DDX52: variants seen among roughly 807,000 people sequenced by gnomAD.
The protein encoded by DDX52 is probable ATP-dependent RNA helicase DDX52.
In DDX52, 59 loss-of-function variants were observed where a neutral mutation model predicts 76.1. The ratio of observed to expected loss-of-function variants is 0.78; its 90% confidence interval spans 0.63 to 0.96. The LOEUF is 0.96. Ranked by LOEUF, DDX52 falls within the 40% of genes least tolerant of loss-of-function variation. The pLI, the probability that DDX52 is intolerant of heterozygous loss-of-function variation, is 0.00. For missense variants in DDX52, 707 were observed against 703.9 expected (o/e 1.00, Z -0.05); for synonymous variants, 231 against 244.1 (o/e 0.95, Z 0.50).
chr17:37,629,033 C>T (rs375051152), intron 5 of DDX52, among the ~76,000 whole-genome samples: 5 of 152,016 alleles, frequency 3.3e-5, no homozygotes, highest in South Asian at 4.1e-4. Flanking sequence ...GCCTGGCCAA[C>T]GTGGTAAAAC....
At chr17:37,642,756 T>TACAC (rs2031261146) in intron 1 of DDX52, 1 of 177,232 alleles carries the variant, frequency 5.6e-6, no homozygotes. Context: ...CACACGCATA[T>TACAC]ACACATCCAA....
intron 2 of DDX52, among the ~76,000 whole-genome samples, chr17:37,636,117 A>G (rs2030911894): frequency 6.6e-6 from 1 of 152,198 alleles, no homozygotes; most frequent in Non-Finnish European, 1.5e-5. Context: ...AGTCCAATAT[A>G]TCAATTTTTT....
chr17:37,635,712 T>C (rs2030893995), intron 2 of DDX52: 1 of 442,590 alleles, frequency 2.3e-6, no homozygotes, highest in African/African-American at 2.0e-5. Context: ...GTCTCTTAGG[T>C]AAATATTCCA....
At chr17:37,640,642 T>C (rs1221922215) in intron 2 of DDX52, among the ~76,000 whole-genome samples, 2 of 138,582 alleles carry the variant, frequency 1.4e-5, no homozygotes, top group Non-Finnish European at 3.1e-5. Context: ...GGAAACTTAA[T>C]ATTATAGATT....
chr17:37,635,918 G>T (rs895683864), intron 2 of DDX52, among the ~76,000 whole-genome samples: 2 of 152,094 alleles, frequency 1.3e-5, no homozygotes, highest in Non-Finnish European at 2.9e-5. Context: ...ACTGTATTGT[G>T]GTTTTAATTT....
intron 2 of DDX52, 58 bp from the exon 3 acceptor site, chr17:37,633,476 C>A (rs1598764518): frequency 2.3e-6 from 3 of 1,329,242 alleles, no homozygotes; most frequent in Non-Finnish European, 2.0e-6. Context: ...ATAGTGAGGA[C>A]CCGTCTCTTC....
At chr17:37,626,883 A>C (rs774885966) in intron 6 of DDX52, 23 bp from the exon 7 acceptor site, 11 of 1,594,188 alleles carry the variant, frequency 6.9e-6, no homozygotes, top group Non-Finnish European at 7.7e-6. Flanking sequence ...CAAATGGTAG[A>C]AATTGCAAAA....
chr17:37,621,097 C>T (rs2030061414), intron 11 of DDX52, 30 bp downstream of exon 11: 2 of 1,590,412 alleles, frequency 1.3e-6, no homozygotes, highest in African/African-American at 2.7e-5. Flanking sequence ...CAGTGGGTGA[C>T]AGAGGGGAAG....
At chr17:37,641,496 T>TG (rs918938403) in intron 2 of DDX52, among the ~76,000 whole-genome samples, 4 of 152,100 alleles carry the variant, frequency 2.6e-5, no homozygotes, top group Non-Finnish European at 5.9e-5. Flanking sequence ...CCCGGCACTT[T>TG]GGGGGGCCAA....
intron 3 of DDX52, among the ~76,000 whole-genome samples, chr17:37,632,994 G>A (rs955774212): frequency 3.3e-5 from 5 of 152,116 alleles, no homozygotes; most frequent in African/African-American, 4.8e-5. Flanking sequence ...TTTGTTTATC[G>A]AAAGCAGTTA....
chr17:37,614,820 A>G (rs898956090), intron 14 of DDX52: 1 of 154,060 alleles, frequency 6.5e-6, no homozygotes, highest in African/African-American at 2.4e-5. Flanking sequence ...GTCTGATCCT[A>G]TAGCCTAGTG....
intron 9 of DDX52, chr17:37,624,123 G>T: frequency 3.0e-6 from 1 of 328,406 alleles, no homozygotes; most frequent in Non-Finnish European, 5.5e-6. Context: ...TGGGATAAGA[G>T]CTGGGACAAC....
rs1393509229 is a variant in DDX52, at chr17:37,643,359, A to G, written c.62T>C (p.Phe21Ser). Residue 21 changes from phenylalanine to serine, a missense_variant, in exon 1 of 15, where the codon TTC becomes TCC. Coordinates refer to ENST00000617633, the MANE Select transcript of DDX52 (RefSeq NM_007010.5). ...GAGAKFDTRRFSADAARFQIG... is the reference protein window; with the variant it reads ...GAGAKFDTRRSSADAARFQIG... Reference sequence around the variant, plus strand: ...CTGGAATCGAGCTGCGTCTGCCGAGAAGCGTCTCGTGTCGAATTTGGCCCC... The same window carrying G: ...CTGGAATCGAGCTGCGTCTGCCGAGGAGCGTCTCGTGTCGAATTTGGCCCC... 2.0e-5 allele frequency: 33 copies of G among 1,613,854 alleles called. No homozygotes were observed. Among genetic ancestry groups the G allele is most frequent in the Non-Finnish European group, 2.5e-5 (29 of 1,179,922 alleles).
intron 14 of DDX52, among the ~76,000 whole-genome samples, chr17:37,616,355 A>G (rs1419477829): frequency 2.0e-5 from 3 of 152,050 alleles, no homozygotes; most frequent in African/African-American, 7.2e-5. Context: ...ATTAAAATTT[A>G]AAAATGTTGG....
chr17:37,627,000 C>T (rs928105607), intron 6 of DDX52, 140 bp from the exon 7 acceptor site: 52 of 650,178 alleles, frequency 8.0e-5, no homozygotes, highest in Non-Finnish European at 1.3e-4. Flanking sequence ...TATATCCCTA[C>T]TTTCCTTTTA....
chr17:37,621,109 A>T lies in DDX52; in HGVS notation c.1501+18T>A. On this transcript the variant is annotated intron_variant, in intron 11 of 14. Coordinates refer to ENST00000617633, the MANE Select transcript of DDX52 (RefSeq NM_007010.5). ...GATCAGTGGGTGACAGAGGGGAAGG[A>T]AAAAAAAGACAACTCACCTATCCTG... 1 of 1,592,612 alleles carries T rather than the reference A, an allele frequency of 6.3e-7. No homozygotes were observed. Among genetic ancestry groups the T allele is most frequent in the Non-Finnish European group, 8.5e-7 (1 of 1,170,746 alleles).
In DDX52 at chr17:37,619,847, A is replaced by AC. The variant is rs2029990095; in HGVS notation, c.1578-9_1578-8insG. The AC allele has an allele frequency of 6.2e-7, 1 of 1,611,990 alleles. No homozygotes were observed. The highest frequency in any genetic ancestry group is 8.5e-7 in the Non-Finnish European group (1 of 1,179,434). On this transcript the variant is annotated splice_polypyrimidine_tract_variant and intron_variant, in intron 12 of 14. Transcript: ENST00000617633. The stretch of plus-strand genomic sequence containing the variant: ...TGTATAACATTAGCAACGCTGAAAA[A>AC]GAAACCCATAAACATAAACTTGTAT...
At chr17:37,643,204 A>G (rs1271123857) in intron 1 of DDX52, 130 bp downstream of exon 1, 2 of 926,824 alleles carry the variant, frequency 2.2e-6, no homozygotes, top group African/African-American at 3.3e-5. Context: ...AAAAGGAAGC[A>G]AAATACCCCA....
At position 37,643,337 on chromosome 17, in the gene DDX52, G is replaced by C. The variant is rs764632526; in HGVS notation, c.84C>G (p.Phe28Leu). ...TRRFSADAAR[F>L]QIGKRKYDFD... is the part of the protein sequence containing the mutation. ...CTCGGTCCCTTGGGCACAGTACCTG[G>C]AATCGAGCTGCGTCTGCCGAGAAGC... Residue 28 changes from phenylalanine (F) to leucine (L), a missense_variant, in exon 1 of 15, where the codon TTC becomes TTG. By Grantham distance (22) the Phe-to-Leu change is conservative. Coordinates refer to ENST00000617633, the MANE Select transcript of DDX52 (RefSeq NM_007010.5). The C allele has an allele frequency of 2.5e-6, 4 of 1,613,768 alleles. No individual in the cohort carries two copies. The South Asian group carries it at 4.4e-5, about 18-fold the overall frequency.
Sources: allele counts gnomAD v4.1 joint callset (sites outside exome capture counted in the v4.1 genomes callset), GRCh38; gene constraint gnomAD v4.1.1; transcripts MANE v1.5; gene names NCBI Gene and HGNC (gene_info 2026-07-23, HGNC 2026-07-21).